The following USP25 variants were observed in gnomAD, a reference collection of about 807,000 sequenced individuals.
The protein encoded by USP25 is ubiquitin specific peptidase 25.
USP25 carries 85 observed loss-of-function variants against 158.5 expected under a neutral mutation model. The observed-to-expected ratio is 0.54, with a 90% confidence interval of 0.45 to 0.64. USP25 has a LOEUF of 0.64. Ranked by LOEUF, USP25 falls within the 30% of genes least tolerant of loss-of-function variation. The pLI is 0.00. For synonymous variants in USP25, 464 were observed against 460.4 expected (o/e 1.01, Z -0.10); for missense variants, 1,242 against 1,327.3 (o/e 0.94, Z 1.00).
At chr21:15,798,102 A>G (rs566743140) in intron 5 of USP25, among the ~76,000 whole-genome samples, 14 of 151,330 alleles carry the variant, frequency 9.3e-5, no homozygotes, top group Non-Finnish European at 1.9e-4. Flanking sequence ...CCCATTATTT[A>G]ATGCCTCTGT....
At chr21:15,784,401 C>T (rs11088545) in intron 4 of USP25, among the ~76,000 whole-genome samples, 9,435 of 151,974 alleles carry the variant, frequency 0.062, 941 homozygotes, top group African/African-American at 0.21. Context: ...GGAGAAACCC[C>T]GTCTCCACTA....
intron 4 of USP25, among the ~76,000 whole-genome samples, chr21:15,780,894 G>A (rs534712942): frequency 6.6e-6 from 1 of 152,256 alleles, no homozygotes; most frequent in South Asian, 2.1e-4. Context: ...GGAGGATTTC[G>A]GTGCTCAATA....
chr21:15,833,656 A>G lies in USP25; in HGVS notation c.2194+108A>G, dbSNP rs906538216. ...TATCTTAAAGTGTGAGGAAATCAGT[A>G]GAAATCATTTCAAATTCCATCACTC... On this transcript the variant is annotated intron_variant, in intron 17 of 25. Transcript: ENST00000400183. 6.9e-6 allele frequency: 7 copies of G among 1,019,190 alleles called. No homozygotes were observed. The East Asian group carries it at 1.6e-4, about 23-fold the overall frequency. The allele number at this position is 1,019,190 out of a possible 1,614,324, so 63.1% of individuals were successfully genotyped here.
In USP25 at chr21:15,826,180, A is replaced by G. The variant is rs541865124; in HGVS notation, c.1305-24A>G. ...ATATGCTGTATATAGAAATAAAAGC[A>G]TTTGTACATTTTATGATTAACAGAT... On this transcript the variant is annotated intron_variant, in intron 12 of 25. Transcript: ENST00000400183. The surrounding 1 kb of genome is among the most constrained non-coding windows in gnomAD (Gnocchi z 4.8). 1.2e-5 allele frequency: 19 copies of G among 1,611,934 alleles called. No homozygotes were observed. The South Asian group carries it at 1.9e-4, about 16-fold the overall frequency.
chr21:15,733,837 A>G (rs544388011), intron 1 of USP25, among the ~76,000 whole-genome samples: 8 of 152,236 alleles, frequency 5.3e-5, no homozygotes, highest in African/African-American at 1.9e-4. Context: ...GCAAGACTCC[A>G]TGTCAAAAAA....
intron 1 of USP25, among the ~76,000 whole-genome samples, chr21:15,757,781 CATGA>C (rs2033474958): frequency 6.6e-6 from 1 of 152,122 alleles, no homozygotes; most frequent in Non-Finnish European, 1.5e-5. Context: ...TCCCATCATC[CATGA>C]CAAAAGGAAA....
chr21:15,833,355 T>C lies in USP25; in HGVS notation c.2001T>C (p.Phe667=), dbSNP rs1034168160. The C allele has an allele frequency of 6.2e-7, 1 of 1,612,074 alleles. No homozygotes were observed. Among genetic ancestry groups the C allele is most frequent in the African/African-American group, 1.3e-5 (1 of 74,900 alleles). The part of the protein sequence containing the change: ...DKAQFLIQEE[F]NKETGQPLVG... ...TTGAAATATGATTTGCAGAGGAGTT[T>C]AATAAAGAAACTGGGCAGCCCCTTG... Residue 667 remains phenylalanine, a synonymous_variant, in exon 17 of 26, where the codon TTT becomes TTC. Coordinates refer to ENST00000400183, the MANE Select transcript of USP25 (RefSeq NM_001283041.3).
chr21:15,754,027 C>G (rs992426560), intron 1 of USP25, among the ~76,000 whole-genome samples: 10 of 152,208 alleles, frequency 6.6e-5, no homozygotes, highest in African/African-American at 2.4e-4. Flanking sequence ...TGTTGCAACC[C>G]TCTTGCTGAT....
intron 8 of USP25, among the ~76,000 whole-genome samples, chr21:15,810,538 G>A (rs1442572405): frequency 2.0e-5 from 3 of 152,134 alleles, no homozygotes; most frequent in African/African-American, 4.8e-5. Flanking sequence ...ATGAATTTTG[G>A]TATTAAATGA....
chr21:15,850,295 C>A (rs2038826613), intron 20 of USP25, among the ~76,000 whole-genome samples: 1 of 151,664 alleles, frequency 6.6e-6, no homozygotes, highest in Non-Finnish European at 1.5e-5. Flanking sequence ...TACTAAATTG[C>A]TTTTTCGTTT....
At chr21:15,863,847 C>T (rs1009314302) in intron 20 of USP25, among the ~76,000 whole-genome samples, 8 of 151,586 alleles carry the variant, frequency 5.3e-5, no homozygotes, top group East Asian at 2.0e-4. Context: ...CCAGCCTGGC[C>T]AACATAGTGA....
At position 15,831,433 on chromosome 21, in the gene USP25, C is replaced by T. The variant is rs143731450; in HGVS notation, c.1797C>T (p.His599=). The T allele has an allele frequency of 5.3e-5, 85 of 1,613,924 alleles. No individual in the cohort carries two copies. In the Middle Eastern group the frequency reaches 1.8e-3, roughly 34 times the overall value. Residue 599 remains histidine, a synonymous_variant, in exon 16 of 26, where the codon CAC becomes CAT. Coordinates refer to ENST00000400183, the MANE Select transcript of USP25 (RefSeq NM_001283041.3). The part of the protein sequence containing the change: ...VPYRLHAVLV[H]EGQANAGHYW... ...ATCGATTACATGCCGTTTTAGTTCA[C>T]GAAGGCCAAGCTAATGCTGGGCACT...
At chr21:15,794,500 T>G (rs9305732) in intron 5 of USP25, among the ~76,000 whole-genome samples, 3,932 of 151,658 alleles carry the variant, frequency 0.026, 177 homozygotes, top group African/African-American at 0.087. Context: ...GTTAGCTATT[T>G]GGAGGTGTAT....
intron 4 of USP25, among the ~76,000 whole-genome samples, chr21:15,789,293 G>C (rs1016515658): frequency 2.0e-5 from 3 of 152,012 alleles, no homozygotes; most frequent in Admixed American, 2.0e-4. Context: ...GACCTTCCTG[G>C]GGTTTAGTAA....
At chr21:15,745,910 G>A (rs777139403) in intron 1 of USP25, among the ~76,000 whole-genome samples, 16 of 152,156 alleles carry the variant, frequency 1.1e-4, no homozygotes, top group Non-Finnish European at 1.9e-4. Context: ...ACTAAGTCAA[G>A]GTTCATTTAT....
intron 17 of USP25, among the ~76,000 whole-genome samples, chr21:15,834,016 C>G (rs1482826763): frequency 2.0e-5 from 3 of 151,976 alleles, no homozygotes; most frequent in Admixed American, 2.0e-4. Context: ...TAAAATACTA[C>G]CATTAATAAC....
In USP25 at chr21:15,864,404, T is replaced by G. The variant is rs1261774257; in HGVS notation, c.2684T>G (p.Leu895Ter). 1.2e-6 allele frequency: 2 copies of G among 1,609,978 alleles called. No homozygotes were observed. The highest frequency in any genetic ancestry group is 1.7e-6 in the Non-Finnish European group (2 of 1,179,012). ...QAPKKIIEKT[L>*]LEQFGDRNLS... ...CCAAAGAAAATTATTGAGAAAACAT[T>G]ACTAGAACAATTTGGAGATAGAAAT... Residue 895 changes from leucine to a stop codon, truncating the protein, a stop_gained, in exon 21 of 26, where the codon TTA becomes TGA. Transcript: ENST00000400183. LOFTEE classifies it high-confidence loss of function.
Position 15,865,834 on chromosome 21 carries a change from A to G in USP25, c.2727-432A>G, listed in dbSNP as rs111742500. On this transcript the variant is annotated intron_variant, in intron 21 of 25. Transcript: ENST00000400183. ...ATCACTGATTCTGATCATAAAATCC[A>G]GTGGGATGTTTCCATTTTTACCTGA... Among the ~76,000 whole-genome samples the G allele has an allele frequency of 9.8e-5, 15 of 152,290 alleles. 1 individual carries two copies. Among genetic ancestry groups the G allele is most frequent in the African/African-American group, 3.6e-4 (15 of 41,586 alleles).
At chr21:15,834,952 G>C (rs2037991328) in intron 17 of USP25, among the ~76,000 whole-genome samples, 1 of 152,198 alleles carries the variant, frequency 6.6e-6, no homozygotes, top group African/African-American at 2.4e-5. Context: ...AAATCACAGT[G>C]TAGTAACTAT....
Sources: allele counts gnomAD v4.1 joint callset (sites outside exome capture counted in the v4.1 genomes callset), GRCh38; gene constraint gnomAD v4.1.1; non-coding constraint Gnocchi (gnomAD v3.1); transcripts MANE v1.5; gene names NCBI Gene and HGNC (gene_info 2026-07-23, HGNC 2026-07-21).